CTNNA3: variants seen among roughly 807,000 people sequenced by gnomAD.
The protein encoded by CTNNA3 is catenin alpha-3.
Under a neutral mutation model 95.7 loss-of-function variants are expected in CTNNA3, and 76 were observed. The ratio of observed to expected loss-of-function variants is 0.79; its 90% CI spans 0.66 to 0.96. The LOEUF (loss-of-function observed/expected upper bound fraction) is 0.96. Among genes scored for constraint, CTNNA3 ranks in the 40% least tolerant of loss-of-function variants. CTNNA3 has a pLI of 0.00. For missense variants in CTNNA3, 1,191 were observed against 1,089.8 expected, an observed-to-expected ratio of 1.09 and a Z score of -1.31; for synonymous variants, 431 against 374.4, an observed-to-expected ratio of 1.15 and a Z score of -1.74.
chr10:66,404,623 G>T (rs2093043633), intron 11 of CTNNA3, among the ~76,000 whole-genome samples: 1 of 152,096 alleles, frequency 6.6e-6, no homozygotes, highest in Non-Finnish European at 1.5e-5. Flanking sequence ...TTATTTTAGA[G>T]AACAACTTAT....
At chr10:66,015,105 A>AAAAAATAATAAT (rs2079068937) in intron 15 of CTNNA3, among the ~76,000 whole-genome samples, 1 of 150,076 alleles carries the variant, frequency 6.7e-6, no homozygotes, top group African/African-American at 2.4e-5. Context: ...CTGTCTCAAA[A>AAAAAATAATAAT]AATAATAATA....
In CTNNA3 at chr10:67,529,280, A is replaced by T. The variant is rs368171127; in HGVS notation, c.460-7319T>A. On this transcript the variant is annotated intron_variant, in intron 4 of 17. Coordinates refer to ENST00000433211, the MANE Select transcript of CTNNA3 (RefSeq NM_013266.4). ...ACAATAACTTATCACATATTTCAAA[A>T]TAACTAAAAGAGTAGAATCAGAATG... Among the ~76,000 whole-genome samples, 7 of 152,246 alleles carry T rather than the reference A, an allele frequency of 4.6e-5. No individual in the cohort carries two copies. The East Asian group carries it at 1.3e-3, about 29-fold the overall frequency.
chr10:66,233,946 C>T (rs2089723890), intron 13 of CTNNA3, among the ~76,000 whole-genome samples: 1 of 152,132 alleles, frequency 6.6e-6, no homozygotes, highest in Admixed American at 6.5e-5. Flanking sequence ...AACAAAATGT[C>T]ATAGTTGAAT....
chr10:66,556,367 A>C (rs1460402125), intron 10 of CTNNA3, among the ~76,000 whole-genome samples: 1 of 152,094 alleles, frequency 6.6e-6, no homozygotes, highest in Admixed American at 6.6e-5. Flanking sequence ...TTTGGTATAT[A>C]TCCAAAGAAA....
chr10:66,383,723 G>A (rs1004689336), intron 11 of CTNNA3, among the ~76,000 whole-genome samples: 7 of 152,318 alleles, frequency 4.6e-5, no homozygotes, highest in Middle Eastern at 3.4e-3. Flanking sequence ...ACAAAGGGAA[G>A]CCCATCAGAC....
At chr10:66,726,299 T>C (rs759907289) in intron 9 of CTNNA3, among the ~76,000 whole-genome samples, 2 of 151,976 alleles carry the variant, frequency 1.3e-5, no homozygotes, top group Non-Finnish European at 2.9e-5. Context: ...AACAGGAAAT[T>C]AGAAAGAATA....
chr10:67,119,941 C>T (rs1859376330), intron 7 of CTNNA3, among the ~76,000 whole-genome samples: 1 of 151,802 alleles, frequency 6.6e-6, no homozygotes, highest in Admixed American at 6.6e-5. Context: ...CACTGCAAAT[C>T]AGATAATTCT....
At chr10:66,469,516 A>G (rs923103456) in intron 11 of CTNNA3, among the ~76,000 whole-genome samples, 2 of 150,804 alleles carry the variant, frequency 1.3e-5, no homozygotes, top group African/African-American at 4.9e-5. Context: ...TGTTAAATGT[A>G]TGTTATTTAT....
chr10:67,487,038 T>C (rs912040326), intron 5 of CTNNA3, among the ~76,000 whole-genome samples: 1 of 152,114 alleles, frequency 6.6e-6, no homozygotes, highest in African/African-American at 2.4e-5. Flanking sequence ...CCCCCAGCCA[T>C]GATGAGGCCC....
intron 1 of CTNNA3, among the ~76,000 whole-genome samples, chr10:67,726,363 A>AATATAAGTTATT (rs1841216970): frequency 1.9e-4 from 8 of 41,616 alleles, no homozygotes; most frequent in African/African-American, 9.1e-4. Context: ...TATATGATAT[A>AATATAAGTTATT]ATATATGATA....
intron 7 of CTNNA3, among the ~76,000 whole-genome samples, chr10:66,920,277 T>G (rs968885288): frequency 6.6e-6 from 1 of 152,194 alleles, no homozygotes; most frequent in Non-Finnish European, 1.5e-5. Context: ...AGTTTATAAG[T>G]CAGGTTTTAT....
chr10:66,928,466 T>G (rs1034508790), intron 7 of CTNNA3: 1 of 1,569,384 alleles, frequency 6.4e-7, no homozygotes, highest in Admixed American at 2.0e-5. Flanking sequence ...TGAACCATTG[T>G]GATAAAAAGA....
At chr10:67,210,292 C>G (rs55646525) in intron 6 of CTNNA3, among the ~76,000 whole-genome samples, 6,570 of 152,008 alleles carry the variant, frequency 0.043, 176 homozygotes, top group South Asian at 0.087. Context: ...AGGTGACAGA[C>G]TGAGACTCCA....
chr10:67,720,395 A>G (rs952236685), intron 1 of CTNNA3, among the ~76,000 whole-genome samples: 3 of 151,618 alleles, frequency 2.0e-5, no homozygotes, highest in Admixed American at 2.0e-4. Context: ...TGATTCTGTC[A>G]TTATGATGCT....
chr10:67,150,638 T>C (rs942219476), intron 7 of CTNNA3, among the ~76,000 whole-genome samples: 1 of 152,198 alleles, frequency 6.6e-6, no homozygotes, highest in African/African-American at 2.4e-5. Context: ...TTGAGATCAT[T>C]AGAAGTCTTC....
At chr10:66,910,607 T>C (rs1168450405) in intron 7 of CTNNA3, among the ~76,000 whole-genome samples, 1 of 152,218 alleles carries the variant, frequency 6.6e-6, no homozygotes, top group African/African-American at 2.4e-5. Context: ...CAAGGTAGCA[T>C]GTAGGCATTG....
chr10:67,183,113 T>C (rs1038626872), intron 6 of CTNNA3, among the ~76,000 whole-genome samples: 1 of 152,216 alleles, frequency 6.6e-6, no homozygotes, highest in Non-Finnish European at 1.5e-5. Flanking sequence ...AGTTCAACCA[T>C]CATGGAAGTC....
At chr10:67,450,620 G>T (rs555649729) in intron 5 of CTNNA3, among the ~76,000 whole-genome samples, 102 of 152,124 alleles carry the variant, frequency 6.7e-4, no homozygotes, top group African/African-American at 2.4e-3. Context: ...ACAGACACTG[G>T]AGCCTATTTG....
At chr10:67,182,261 G>A (rs1005825530) in intron 6 of CTNNA3, among the ~76,000 whole-genome samples, 18 of 152,226 alleles carry the variant, frequency 1.2e-4, no homozygotes, top group Non-Finnish European at 1.8e-4. Context: ...GAATAAAGCT[G>A]GAGGCATCAC....
Sources: allele counts gnomAD v4.1 joint callset (sites outside exome capture counted in the v4.1 genomes callset), GRCh38; gene constraint gnomAD v4.1.1; transcripts MANE v1.5; gene names NCBI Gene and HGNC (gene_info 2026-07-23, HGNC 2026-07-21).